NRXN1: variants seen among roughly 807,000 people sequenced by gnomAD.
The protein encoded by NRXN1 is neurexin-1.
NRXN1 carries 39 observed loss-of-function variants against 150.9 expected under a neutral mutation model. The observed-to-expected ratio is 0.26, with a 90% CI of 0.20 to 0.34. The LOEUF is 0.34. Among genes scored for constraint, NRXN1 ranks in the 10% least tolerant of loss-of-function variants. NRXN1 has a pLI of 1.00. For synonymous variants in NRXN1, 924 were observed against 757.0 expected (o/e 1.22, Z -3.62); for missense variants, 1,815 against 1,949.9 (o/e 0.93, Z 1.30).
chr2:50,983,490 T>C (rs1361683332), intron 2 of NRXN1, among the ~76,000 whole-genome samples: 1 of 152,114 alleles, frequency 6.6e-6, no homozygotes, highest in Non-Finnish European at 1.5e-5. Flanking sequence ...AGTCTTTTCT[T>C]ACTATAAAAG....
chr2:50,841,304 G>T (rs1297222368), intron 5 of NRXN1, among the ~76,000 whole-genome samples: 1 of 152,116 alleles, frequency 6.6e-6, no homozygotes, highest in African/African-American at 2.4e-5. Flanking sequence ...GAAGGAATTT[G>T]AAATTTCCAG....
chr2:50,106,958 A>G (rs1701728494), intron 18 of NRXN1, among the ~76,000 whole-genome samples: 1 of 151,978 alleles, frequency 6.6e-6, no homozygotes, highest in Non-Finnish European at 1.5e-5. Flanking sequence ...ACATTGGCAC[A>G]GACCACCAAA....
intron 15 of NRXN1, among the ~76,000 whole-genome samples, chr2:50,477,359 C>A (rs1256045550): frequency 1.3e-5 from 2 of 152,122 alleles, no homozygotes; most frequent in African/African-American, 4.8e-5. Context: ...AATAAAATTG[C>A]ATTTAACGTC....
At chr2:50,033,980 A>C (rs561532960) in intron 21 of NRXN1, among the ~76,000 whole-genome samples, 14 of 151,890 alleles carry the variant, frequency 9.2e-5, no homozygotes, top group African/African-American at 2.7e-4. Flanking sequence ...AAAAAAAAAA[A>C]AAAAACAAAC....
intron 5 of NRXN1, among the ~76,000 whole-genome samples, chr2:50,891,695 G>A (rs1375942460): frequency 1.3e-5 from 2 of 152,056 alleles, no homozygotes; most frequent in Non-Finnish European, 2.9e-5. Context: ...TATACTACCA[G>A]AAAAAACTTA....
At chr2:49,923,561 T>A (rs931419740) in intron 22 of NRXN1, among the ~76,000 whole-genome samples, 2 of 152,198 alleles carry the variant, frequency 1.3e-5, no homozygotes, top group Non-Finnish European at 2.9e-5. Context: ...ACTAAAATTG[T>A]GCTTTTATTT....
In NRXN1 at chr2:50,216,424, T is replaced by C. The variant is rs139849169; in HGVS notation, c.3546+20365A>G. On this transcript the variant is annotated intron_variant, in intron 18 of 22. Transcript: ENST00000401669. The stretch of plus-strand genomic sequence containing the variant: ...TGATTTTGAAGTTGAATGAGGATAC[T>C]GTATTTAAAGGCATTGAGCCATACC... Among the ~76,000 whole-genome samples, 53 of 152,182 alleles carry C rather than the reference T, an allele frequency of 3.5e-4. 1 individual carries two copies. Among genetic ancestry groups the C allele is most frequent in the African/African-American group, 1.3e-3 (52 of 41,550 alleles).
At chr2:50,554,307 A>T (rs1303608019) in intron 8 of NRXN1, 1 of 152,172 alleles carries the variant, frequency 6.6e-6, no homozygotes, top group African/African-American at 2.4e-5. Flanking sequence ...CGCAGCAGTT[A>T]TTCCAAACCC....
intron 8 of NRXN1, among the ~76,000 whole-genome samples, chr2:50,584,494 T>C (rs1017337748): frequency 6.6e-6 from 1 of 152,226 alleles, no homozygotes; most frequent in Non-Finnish European, 1.5e-5. Context: ...TCTTTTTTTA[T>C]GTTTAACAAT....
intron 2 of NRXN1, among the ~76,000 whole-genome samples, chr2:50,932,248 C>T (rs1290197208): frequency 6.6e-6 from 1 of 151,888 alleles, no homozygotes; most frequent in East Asian, 2.0e-4. Flanking sequence ...ATTGGCTGGG[C>T]ATGGTGGCAC....
At chr2:50,103,038 T>C (rs946325087) in intron 18 of NRXN1, among the ~76,000 whole-genome samples, 7 of 152,104 alleles carry the variant, frequency 4.6e-5, no homozygotes, top group African/African-American at 1.7e-4. Context: ...AATTGTTGAA[T>C]ATATGTAGAA....
chr2:50,033,928 T>A (rs1689577206), intron 21 of NRXN1, among the ~76,000 whole-genome samples: 2 of 144,402 alleles, frequency 1.4e-5, no homozygotes, highest in Non-Finnish European at 3.0e-5. Context: ...CACAATGAGA[T>A]ACCATCTCAC....
intron 17 of NRXN1, among the ~76,000 whole-genome samples, chr2:50,462,489 T>C (rs2088334729): frequency 6.6e-6 from 1 of 151,856 alleles, no homozygotes; most frequent in African/African-American, 2.4e-5. Context: ...AATTACATGA[T>C]ATACCAGAAA....
intron 17 of NRXN1, among the ~76,000 whole-genome samples, chr2:50,392,457 T>C (rs551449895): frequency 6.6e-6 from 1 of 152,166 alleles, no homozygotes; most frequent in African/African-American, 2.4e-5. Flanking sequence ...GAAATGTCAA[T>C]GCATTTAAGT....
chr2:50,710,431 C>T (rs576595643), intron 5 of NRXN1, among the ~76,000 whole-genome samples: 1 of 152,298 alleles, frequency 6.6e-6, no homozygotes, highest in Admixed American at 6.5e-5. Context: ...CACCTCTATG[C>T]ACAGAGAGGA....
At chr2:49,941,620 T>C (rs2104354502) in intron 22 of NRXN1, among the ~76,000 whole-genome samples, 1 of 152,278 alleles carries the variant, frequency 6.6e-6, no homozygotes, top group South Asian at 2.1e-4. Flanking sequence ...TGATAGCCTA[T>C]ACTTAGACAG....
intron 1 of NRXN1, among the ~76,000 whole-genome samples, chr2:51,031,510 C>T (rs1575292927): frequency 6.6e-6 from 1 of 151,978 alleles, no homozygotes; most frequent in South Asian, 2.1e-4. Context: ...TATTATTTCA[C>T]CCCTGGCTTT....
chr2:50,723,105 G>A (rs1696889170), intron 5 of NRXN1, among the ~76,000 whole-genome samples: 2 of 152,086 alleles, frequency 1.3e-5, no homozygotes, highest in Non-Finnish European at 1.5e-5. Context: ...ACCAAGAAAT[G>A]TGTGACTTCT....
At chr2:50,317,861 A>T (rs561812952) in intron 17 of NRXN1, among the ~76,000 whole-genome samples, 2 of 152,198 alleles carry the variant, frequency 1.3e-5, no homozygotes, top group East Asian at 3.9e-4. Context: ...CTGAGAGGAA[A>T]ATATTAGTTA....
Sources: allele counts gnomAD v4.1 joint callset (sites outside exome capture counted in the v4.1 genomes callset), GRCh38; gene constraint gnomAD v4.1.1; transcripts MANE v1.5; gene names NCBI Gene and HGNC (gene_info 2026-07-23, HGNC 2026-07-21).